DMBT1: variants seen among roughly 807,000 people sequenced by gnomAD.
DMBT1 encodes the protein deleted in malignant brain tumors 1, also known as scavenger receptor cysteine-rich domain-containing protein DMBT1.
A neutral mutation model predicts 252.9 loss-of-function variants in DMBT1; 198 were observed. The observed-to-expected ratio is 0.78, with a 90% CI of 0.70 to 0.88. The LOEUF (loss-of-function observed/expected upper bound fraction) is 0.88, where lower values mean the gene tolerates loss of function less well. DMBT1 is among the 40% of genes least tolerant of loss of function. The probability of loss-of-function intolerance (pLI) is 0.00; values close to 1 mark genes in which losing one functional copy is unlikely to be tolerated. For synonymous variants in DMBT1, 990 were observed against 942.7 expected, an observed-to-expected ratio of 1.05 and a Z score of -0.92; for missense variants, 2,432 against 2,404.7, an observed-to-expected ratio of 1.01 and a Z score of -0.24.
rs373395522 is a variant in DMBT1 at position 122,586,285 on chromosome 10, G to A, written c.1685G>A (p.Arg562His). 1.0e-4 allele frequency: 163 copies of A among 1,588,648 alleles called. 25 individuals carry two copies. The South Asian group carries it at 1.1e-3, about 11-fold the overall frequency. Reference protein sequence around the residue: ...GSGPIVLDDVRCSGNESYLWS... With the variant: ...GSGPIVLDDVHCSGNESYLWS... ...GGACCCATTGTCCTGGATGACGTGC[G>A]CTGCTCAGGGAATGAGTCCTACTTG... The change falls in exon 16 of 56, where the codon CGC becomes CAC. Residue 562 changes from arginine (R) to histidine (H), a missense_variant. Around this residue, in one of 3 missense-constraint regions of DMBT1, gnomAD observed 1,264 missense variants for 1,082.2 expected, o/e 1.17. Coordinates refer to ENST00000338354, the MANE Select transcript of DMBT1 (RefSeq NM_001377530.1).
chr10:122,639,947 G>A (rs1261011628), intron 54 of DMBT1, 93 bp from the exon 55 acceptor site: 2 of 1,445,168 alleles, frequency 1.4e-6, no homozygotes, highest in African/African-American at 1.4e-5. Context: ...GTCTTGTTGA[G>A]TCACGTCCCT....
rs752251193 is a variant in DMBT1, at chr10:122,592,599, G to A, written c.2500+4G>A. On this transcript the variant is annotated splice_donor_region_variant and intron_variant, in intron 20 of 55. Transcript: ENST00000338354. Reference sequence around the variant, plus strand: ...GATGCTGGTGTCATCTGCTCAGGTGGGCCTCCAAGACCTTGGGCTCCCTCT... The same window carrying A: ...GATGCTGGTGTCATCTGCTCAGGTGAGCCTCCAAGACCTTGGGCTCCCTCT... 2.5e-6 allele frequency: 4 copies of A among 1,588,170 alleles called. No homozygotes were observed. In the African/African-American group the frequency reaches 5.4e-5, roughly 21 times the overall value.
chr10:122,576,314 T>C, intron 6 of DMBT1, 85 bp from the exon 7 acceptor site: 1 of 1,539,438 alleles, frequency 6.5e-7, no homozygotes, highest in Middle Eastern at 1.8e-4. Context: ...TATCTGCCTA[T>C]GGGGAAGACC....
chr10:122,597,898 T>A (rs911585839), intron 24 of DMBT1, 76 bp from the exon 25 acceptor site: 23 of 1,609,164 alleles, frequency 1.4e-5, no homozygotes, highest in Non-Finnish European at 2.0e-5. Context: ...GATGTTTGCC[T>A]TCTCCGGAGA....
In DMBT1 at chr10:122,579,859, C is replaced by G. The variant is rs145382439; in HGVS notation, c.961C>G (p.His321Asp). ...WSCPHNGWLT[H>D]NCGHSEDAGV... is the part of the protein sequence containing the mutation. The stretch of plus-strand genomic sequence containing the variant: ...CTGCCCCCACAATGGCTGGCTCACC[C>G]ACAACTGTGGCCATAGTGAAGACGC... The change falls in exon 10 of 56, where the codon CAC becomes GAC. Residue 321 changes from histidine to aspartate, a missense_variant. This residue lies in a region of DMBT1 where 1,264 missense variants were observed against 1,082.2 expected (regional missense o/e 1.17). Coordinates refer to ENST00000338354, the MANE Select transcript of DMBT1 (RefSeq NM_001377530.1). The G allele has an allele frequency of 2.5e-6, 4 of 1,613,696 alleles. No individual in the cohort carries two copies. In the African/African-American group the frequency reaches 5.3e-5, roughly 22 times the overall value.
intron 19 of DMBT1, among the ~76,000 whole-genome samples, chr10:122,591,855 CT>C: frequency 6.7e-6 from 1 of 149,456 alleles, no homozygotes; most frequent in South Asian, 2.2e-4. Context: ...GTGAAAATTT[CT>C]GTCCCTGCAG....
intron 44 of DMBT1, among the ~76,000 whole-genome samples, chr10:122,623,426 G>C (rs1720748986): frequency 6.6e-6 from 1 of 152,204 alleles, no homozygotes; most frequent in Non-Finnish European, 1.5e-5. Context: ...ATACCTAGGA[G>C]TGGGATTGCT....
chr10:122,578,631 G>A, intron 8 of DMBT1, 87 bp from the exon 9 acceptor site: 2 of 1,185,834 alleles, frequency 1.7e-6, no homozygotes, highest in Admixed American at 2.0e-5. Context: ...TGTTTTCACA[G>A]TGCTTGCCTG....
At chr10:122,597,864 A>T in intron 24 of DMBT1, 110 bp from the exon 25 acceptor site, 1 of 1,535,386 alleles carries the variant, frequency 6.5e-7, no homozygotes. Context: ...AAGTGGCAGG[A>T]ACCAGAAGTG....
At chr10:122,630,707 C>T (rs2098156652) in intron 48 of DMBT1, among the ~76,000 whole-genome samples, 1 of 152,204 alleles carries the variant, frequency 6.6e-6, no homozygotes, top group Admixed American at 6.5e-5. Flanking sequence ...CACCAACTCT[C>T]CAGGGGACCT....
intron 1 of DMBT1, among the ~76,000 whole-genome samples, chr10:122,564,800 C>T (rs2133501001): frequency 6.6e-6 from 1 of 152,294 alleles, no homozygotes; most frequent in Admixed American, 6.5e-5. Context: ...ATATCATCAT[C>T]TGAAGACTCA....
intron 20 of DMBT1, among the ~76,000 whole-genome samples, chr10:122,592,853 G>A (rs1012431455): frequency 2.0e-5 from 3 of 148,514 alleles, no homozygotes; most frequent in Non-Finnish European, 3.0e-5. Flanking sequence ...GAAAGAGGCC[G>A]AAGAGAAAAC....
chr10:122,629,470 G>A (rs917484415), intron 46 of DMBT1, among the ~76,000 whole-genome samples: 1 of 152,338 alleles, frequency 6.6e-6, no homozygotes, highest in African/African-American at 2.4e-5. Context: ...TGCTCTCCAC[G>A]GGTCAGCACT....
chr10:122,600,907 G>A (rs550011062), intron 27 of DMBT1, 84 bp from the exon 28 acceptor site: 1 of 655,270 alleles, frequency 1.5e-6, no homozygotes, highest in South Asian at 1.8e-5. Context: ...GTTGCCAGGT[G>A]GATTCCCCCT....
chr10:122,566,541 A>C (rs1048148356), intron 2 of DMBT1, among the ~76,000 whole-genome samples: 7 of 151,846 alleles, frequency 4.6e-5, no homozygotes, highest in Non-Finnish European at 7.4e-5. Flanking sequence ...TGATCTCTTG[A>C]CCTCGTGATC....
intron 1 of DMBT1, among the ~76,000 whole-genome samples, chr10:122,562,042 A>T (rs1359713489): frequency 3.5e-5 from 5 of 143,714 alleles, no homozygotes; most frequent in Admixed American, 3.4e-4. Flanking sequence ...ACTCTTTCTC[A>T]TCATCTATTG....
intron 46 of DMBT1, among the ~76,000 whole-genome samples, chr10:122,628,617 C>A (rs919946558): frequency 2.6e-5 from 4 of 152,002 alleles, no homozygotes; most frequent in Non-Finnish European, 4.4e-5. Flanking sequence ...GCCTGGGTGA[C>A]AAGAGCGAAA....
chr10:122,643,247 T>C lies in DMBT1; in HGVS notation c.7478T>C (p.Val2493Ala). The change falls in exon 56 of 56, where the codon GTG (valine) becomes GCG (alanine). Residue 2493 changes from valine to alanine, a missense_variant. Val to Ala is a moderately conservative substitution (Grantham distance 64). Around this residue, in one of 3 missense-constraint regions of DMBT1, gnomAD observed 1,162 missense variants for 1,169.0 expected, o/e 0.99. Coordinates refer to ENST00000338354, the MANE Select transcript of DMBT1 (RefSeq NM_001377530.1). ...GTGTACCTGCGTTGTAAAATGGTGG[T>C]GTGCAGAGCGTATGACCCCTCTTCC... ...PSVYLRCKMV[V>A]CRAYDPSSRC... The C allele has an allele frequency of 6.2e-7, 1 of 1,613,936 alleles. No individual in the cohort carries two copies. Among genetic ancestry groups the C allele is most frequent in the Non-Finnish European group, 8.5e-7 (1 of 1,179,876 alleles).
Position 122,599,091 on chromosome 10 carries a change from T to C in DMBT1, c.3274T>C (p.Cys1092Arg). Residue 1092 changes from cysteine (C) to arginine (R), a missense_variant, in exon 26 of 56, where the codon TGC (cysteine) becomes CGC (arginine). Cys to Arg is a radical substitution (Grantham distance 180). Around this residue, in one of 3 missense-constraint regions of DMBT1, gnomAD observed 1,264 missense variants for 1,082.2 expected, o/e 1.17. Coordinates refer to ENST00000338354, the MANE Select transcript of DMBT1 (RefSeq NM_001377530.1). ...CCATAGTGAAGACGCTGGTGTCATC[T>C]GCTCAGGTGGGCCTTCAAGAACTTG... ...CGHSEDAGVI[C>R]SASQSRPTPS... 6.2e-7 allele frequency: 1 copy of C among 1,613,858 alleles called. No homozygotes were observed. The highest frequency in any genetic ancestry group is 8.5e-7 in the Non-Finnish European group (1 of 1,179,770).
Sources: gnomAD v4.1 joint callset for allele counts (sites outside exome capture counted in the v4.1 genomes callset) on GRCh38, gnomAD v4.1.1 for gene constraint, gnomAD v4.1.1 regional missense constraint, MANE v1.5 for transcripts, NCBI Gene and HGNC (gene_info 2026-07-23, HGNC 2026-07-21) for gene names.